The following DIP2C variants were observed in gnomAD, a reference collection of about 807,000 sequenced individuals.
DIP2C encodes the protein DIP2 acetate--CoA ligase C (putative), also known as disco-interacting protein 2 homolog C.
A neutral mutation model predicts 192.4 loss-of-function variants in DIP2C; 33 were observed. The ratio of observed to expected loss-of-function variants is 0.17; its 90% confidence interval spans 0.13 to 0.23. The LOEUF (loss-of-function observed/expected upper bound fraction) is 0.23, where lower values mean the gene tolerates loss of function less well. Among genes scored for constraint, DIP2C ranks in the 10% least tolerant of loss-of-function variants. The probability of loss-of-function intolerance (pLI) is 1.00; values close to 1 mark genes in which losing one functional copy is unlikely to be tolerated. For missense variants in DIP2C, 1,537 were observed against 2,110.1 expected (o/e 0.73, Z 5.32); for synonymous variants, 979 against 864.1 (o/e 1.13, Z -2.33).
At chr10:434,447 CTTTT>C (rs553423907) in intron 4 of DIP2C, among the ~76,000 whole-genome samples, 1 of 151,994 alleles carries the variant, frequency 6.6e-6, no homozygotes, top group Non-Finnish European at 1.5e-5. Flanking sequence ...CCATGTTTGG[CTTTT>C]TTTAAGAGAC....
intron 3 of DIP2C, among the ~76,000 whole-genome samples, chr10:445,708 AAG>A (rs747039470): frequency 1.1e-4 from 17 of 151,412 alleles, no homozygotes; most frequent in Admixed American, 2.6e-4. Flanking sequence ...ATCTGTTGTG[AAG>A]AGTCTCACAG....
chr10:523,846 T>C (rs1045654830), intron 1 of DIP2C, among the ~76,000 whole-genome samples: 2 of 152,226 alleles, frequency 1.3e-5, no homozygotes, highest in African/African-American at 4.8e-5. Context: ...TTGTCGCTTT[T>C]ACACATAAAG....
intron 28 of DIP2C, among the ~76,000 whole-genome samples, chr10:344,193 G>C (rs1053943866): frequency 1.3e-5 from 2 of 152,178 alleles, no homozygotes; most frequent in African/African-American, 4.8e-5. Context: ...AAATCATCTT[G>C]ATCTGAAAAC....
intron 1 of DIP2C, among the ~76,000 whole-genome samples, chr10:512,427 A>T (rs1757625169): frequency 1.3e-5 from 2 of 152,066 alleles, no homozygotes; most frequent in Admixed American, 6.5e-5. Context: ...AAAATAAAAA[A>T]TTAGCTGGGC....
intron 1 of DIP2C, among the ~76,000 whole-genome samples, chr10:578,994 T>TA (rs1041196015): frequency 2.6e-4 from 40 of 152,204 alleles, no homozygotes; most frequent in African/African-American, 8.7e-4. Flanking sequence ...CATATGTAGG[T>TA]ACACTATAAC....
intron 1 of DIP2C, among the ~76,000 whole-genome samples, chr10:588,399 A>C (rs1021967145): frequency 6.6e-6 from 1 of 152,220 alleles, no homozygotes; most frequent in Non-Finnish European, 1.5e-5. Flanking sequence ...TGTCTTGTTA[A>C]ATTGGGAGAT....
At chr10:326,499 C>T (rs1009348114) in intron 31 of DIP2C, among the ~76,000 whole-genome samples, 2 of 152,240 alleles carry the variant, frequency 1.3e-5, no homozygotes, top group African/African-American at 4.8e-5. Context: ...GCTCTGCCTG[C>T]AGCTTGTCAG....
intron 1 of DIP2C, among the ~76,000 whole-genome samples, chr10:626,515 C>T (rs906634478): frequency 6.6e-6 from 1 of 152,126 alleles, no homozygotes; most frequent in Non-Finnish European, 1.5e-5. Context: ...TGGTGTTGGT[C>T]ACCATCCTCC....
rs1172028964 is a variant in DIP2C, at chr10:413,771, T to A, written c.1057+142A>T. The A allele has an allele frequency of 2.9e-6, 3 of 1,020,404 alleles. No homozygotes were observed. The South Asian group carries it at 5.1e-5, about 17-fold the overall frequency. 63.2% of individuals were successfully genotyped at this position (1,020,404 alleles called of 1,614,324 possible). ...TGAGCTTCGTGCGTTCGGGAGTGGC[T>A]GCGCGAGGGCGTGGGCAAAGGGCAG... On this transcript the variant is annotated intron_variant, in intron 8 of 36. Coordinates refer to ENST00000280886, the MANE Select transcript of DIP2C (RefSeq NM_014974.3).
chr10:594,746 G>A (rs1195269138), intron 1 of DIP2C, among the ~76,000 whole-genome samples: 2 of 152,106 alleles, frequency 1.3e-5, no homozygotes, highest in Non-Finnish European at 2.9e-5. Context: ...GAAAACCCAT[G>A]TTCACTTTCT....
chr10:568,494 G>A lies in DIP2C; in HGVS notation c.86-81964C>T, dbSNP rs191677011. Among the ~76,000 whole-genome samples, 378 of 152,166 alleles carry A rather than the reference G, an allele frequency of 2.5e-3. 4 individuals carry two copies. The highest frequency in any genetic ancestry group is 8.6e-3 in the African/African-American group (357 of 41,524). ...GAAAAAACTTCACTTGAGGCCGGGCGCGGTGGCTCACGCCTGTAATCCCAG... is the reference window on the plus strand; with the variant it reads ...GAAAAAACTTCACTTGAGGCCGGGCACGGTGGCTCACGCCTGTAATCCCAG... On this transcript the variant is annotated intron_variant, in intron 1 of 36. Coordinates refer to ENST00000280886, the MANE Select transcript of DIP2C (RefSeq NM_014974.3).
chr10:415,672 G>A, intron 7 of DIP2C, 97 bp downstream of exon 7: 3 of 1,513,854 alleles, frequency 2.0e-6, no homozygotes, highest in Non-Finnish European at 2.7e-6. Context: ...CACGATTACT[G>A]CTCTTAAAAA....
chr10:688,991 G>T (rs962827148), intron 1 of DIP2C, among the ~76,000 whole-genome samples: 1 of 152,206 alleles, frequency 6.6e-6, no homozygotes, highest in African/African-American at 2.4e-5. Flanking sequence ...AATCTGGCCG[G>T]GCGTTCCAGG....
chr10:581,870 G>A (rs1247429776), intron 1 of DIP2C, among the ~76,000 whole-genome samples: 3 of 152,126 alleles, frequency 2.0e-5, no homozygotes, highest in South Asian at 2.1e-4. Context: ...GCACATGTTA[G>A]GCCAGCTGTC....
intron 3 of DIP2C, among the ~76,000 whole-genome samples, chr10:470,315 C>T (rs1036916314): frequency 2.0e-5 from 3 of 152,122 alleles, no homozygotes; most frequent in African/African-American, 7.2e-5. Context: ...AGAAATGAAC[C>T]GTGCTTCTCA....
intron 3 of DIP2C, among the ~76,000 whole-genome samples, chr10:454,380 T>TA (rs1969109030): frequency 6.6e-6 from 1 of 152,094 alleles, no homozygotes; most frequent in Non-Finnish European, 1.5e-5. Flanking sequence ...CTAAAAATAC[T>TA]AAAAAGGGAT....
At chr10:340,833 G>A (rs1387479918) in intron 29 of DIP2C, 1 of 462,286 alleles carries the variant, frequency 2.2e-6, no homozygotes, top group South Asian at 1.5e-5. Flanking sequence ...AAGCCTGAGG[G>A]AGGTGACAGC....
At chr10:580,291 G>A (rs967068478) in intron 1 of DIP2C, among the ~76,000 whole-genome samples, 2 of 152,106 alleles carry the variant, frequency 1.3e-5, no homozygotes, top group African/African-American at 4.8e-5. Flanking sequence ...TACATATGCA[G>A]CATGCGTACA....
At position 408,836 on chromosome 10, in the gene DIP2C, G is replaced by A. The variant is rs541782498; in HGVS notation, c.1149+90C>T. Reference sequence around the variant, plus strand: ...TTGCTTTCCAATAGAAAGTGGAGGTGGCGCTGAACTCTGTAATGTTTAAAC... The same window carrying A: ...TTGCTTTCCAATAGAAAGTGGAGGTAGCGCTGAACTCTGTAATGTTTAAAC... On this transcript the variant is annotated intron_variant, in intron 9 of 36. Transcript: ENST00000280886. The A allele has an allele frequency of 7.2e-6, 9 of 1,255,740 alleles. No homozygotes were observed. In the South Asian group the frequency reaches 1.3e-4, roughly 18 times the overall value. The allele number at this position is 1,255,740 out of a possible 1,614,324, so 77.8% of individuals were successfully genotyped here.
Sources: allele counts gnomAD v4.1 joint callset (sites outside exome capture counted in the v4.1 genomes callset), GRCh38; gene constraint gnomAD v4.1.1; transcripts MANE v1.5; gene names NCBI Gene and HGNC (gene_info 2026-07-23, HGNC 2026-07-21).